The following SUFU variants were observed in gnomAD, a reference collection of about 807,000 sequenced individuals.
The protein encoded by SUFU is suppressor of fused homolog.
SUFU carries 7 observed loss-of-function variants against 58.9 expected under a neutral mutation model. That is an observed-to-expected ratio of 0.12 (90% CI 0.07 to 0.22). SUFU has a LOEUF of 0.22. Among genes scored for constraint, SUFU ranks in the 10% least tolerant of loss-of-function variants. The probability of loss-of-function intolerance (pLI) is 1.00; values close to 1 mark genes in which losing one functional copy is unlikely to be tolerated. For missense variants in SUFU, 451 were observed against 641.3 expected (o/e 0.70, Z 3.20); for synonymous variants, 232 against 254.8 (o/e 0.91, Z 0.85).
In SUFU at chr10:102,630,999, G is replaced by C. The variant is rs1032441274; in HGVS notation, c.*844G>C. The C allele has an allele frequency of 4.3e-6, 1 of 233,368 alleles. No homozygotes were observed. Among genetic ancestry groups the C allele is most frequent in the Non-Finnish European group, 8.5e-6 (1 of 118,314 alleles). The allele number at this position is 233,368 out of a possible 1,614,324, so 14.5% of individuals were successfully genotyped here. A position where few individuals can be genotyped will look rare whatever the true frequency, so the allele number is the denominator to read the frequency against. ...GGTGCTACTGTTTTCCAAGTGAATG[G>C]GTCTCAAAGACTTGGTGACCCCAGC... On this transcript the variant is annotated 3_prime_UTR_variant, in exon 12 of 12. Coordinates refer to ENST00000369902, the MANE Select transcript of SUFU (RefSeq NM_016169.4).
In SUFU at chr10:102,519,001, C is replaced by T. The variant is rs186913580; in HGVS notation, c.317+9698C>T. Among the ~76,000 whole-genome samples the T allele has an allele frequency of 3.8e-3, 581 of 151,676 alleles. 2 individuals carry two copies. The highest frequency in any genetic ancestry group is 6.4e-3 in the Non-Finnish European group (432 of 67,886). On this transcript the variant is annotated intron_variant, in intron 2 of 11. Coordinates refer to ENST00000369902, the MANE Select transcript of SUFU (RefSeq NM_016169.4). ...AAAAAAATAGAAAAAATTAGCCAGGCGTGGTGGCAGGCGCCTGTAGTCCCA... is the reference window on the plus strand; with the variant it reads ...AAAAAAATAGAAAAAATTAGCCAGGTGTGGTGGCAGGCGCCTGTAGTCCCA...
At chr10:102,522,980 A>T (rs4919655) in intron 2 of SUFU, among the ~76,000 whole-genome samples, 151,967 of 152,230 alleles carry the variant, frequency 1, 75,853 homozygotes, top group East Asian at 1. Flanking sequence ...TCTCCTCTTC[A>T]GCAGTCCATG....
intron 3 of SUFU, among the ~76,000 whole-genome samples, chr10:102,566,666 G>C (rs567245019): frequency 3.6e-4 from 55 of 151,834 alleles, no homozygotes; most frequent in Middle Eastern, 3.4e-3. Flanking sequence ...TTGGGAGGCT[G>C]AGGCAGGAGA....
At chr10:102,544,067 C>T (rs757300704) in intron 2 of SUFU, among the ~76,000 whole-genome samples, 3 of 152,098 alleles carry the variant, frequency 2.0e-5, no homozygotes, top group Non-Finnish European at 4.4e-5. Context: ...CAGCTATACT[C>T]CAGCCTGGGC....
intron 2 of SUFU, among the ~76,000 whole-genome samples, chr10:102,546,994 A>G (rs190339804): frequency 2.6e-5 from 4 of 152,342 alleles, no homozygotes; most frequent in Admixed American, 6.5e-5. Context: ...TGCTGTGTGG[A>G]TGCATCTGAT....
intron 3 of SUFU, among the ~76,000 whole-genome samples, chr10:102,562,480 G>A (rs1015358053): frequency 5.3e-5 from 8 of 152,008 alleles, no homozygotes; most frequent in Non-Finnish European, 8.8e-5. Flanking sequence ...CCGAGATCGC[G>A]CCGCTACAGT....
chr10:102,593,596 G>A (rs1304968816), intron 4 of SUFU, 40 bp from the exon 5 acceptor site: 2 of 1,601,776 alleles, frequency 1.2e-6, no homozygotes, highest in Admixed American at 3.3e-5. Context: ...GGTGGGGGGT[G>A]GCCATTAACA....
At chr10:102,600,018 T>C (rs948012902) in intron 8 of SUFU, among the ~76,000 whole-genome samples, 10 of 152,114 alleles carry the variant, frequency 6.6e-5, no homozygotes, top group African/African-American at 9.7e-5. Flanking sequence ...CCTGCCTCTC[T>C]TCCCTGGGGC....
At chr10:102,601,538 CT>C (rs1305799602) in intron 8 of SUFU, among the ~76,000 whole-genome samples, 13 of 152,204 alleles carry the variant, frequency 8.5e-5, no homozygotes, top group Admixed American at 6.5e-4. Flanking sequence ...GACCTGTAGT[CT>C]GAGGGGAATA....
In SUFU at chr10:102,558,259, A is replaced by T. The variant is rs576682352; in HGVS notation, c.454+8153A>T. Among the ~76,000 whole-genome samples the T allele has an allele frequency of 5.3e-5, 8 of 152,204 alleles. No individual in the cohort carries two copies. The East Asian group carries it at 1.5e-3, about 29-fold the overall frequency. ...TGCTTTGTCACCCAGACTAGAGGCT[A>T]GAGTACCATAGCACCTTTTTAGTTC... is the stretch of plus-strand genomic sequence containing the variant. On this transcript the variant is annotated intron_variant, in intron 3 of 11. Coordinates refer to ENST00000369902, the MANE Select transcript of SUFU (RefSeq NM_016169.4).
chr10:102,583,451 C>G (rs920454425), intron 3 of SUFU, among the ~76,000 whole-genome samples: 2 of 152,188 alleles, frequency 1.3e-5, no homozygotes, highest in Admixed American at 6.5e-5. Flanking sequence ...CACCTGGGCC[C>G]GACTCCCTTT....
intron 3 of SUFU, among the ~76,000 whole-genome samples, chr10:102,564,473 CAGG>C (rs1461279296): frequency 2.0e-5 from 3 of 152,144 alleles, no homozygotes; most frequent in Non-Finnish European, 4.4e-5. Flanking sequence ...GCTGGGATTA[CAGG>C]CGTGCACCAC....
chr10:102,572,550 C>T (rs964451472), intron 3 of SUFU, among the ~76,000 whole-genome samples: 5 of 151,772 alleles, frequency 3.3e-5, no homozygotes, highest in East Asian at 1.9e-4. Flanking sequence ...CCACCACACC[C>T]GGCTACTTTT....
At chr10:102,585,798 G>A (rs1185653124) in intron 3 of SUFU, among the ~76,000 whole-genome samples, 1 of 151,598 alleles carries the variant, frequency 6.6e-6, no homozygotes, top group African/African-American at 2.4e-5. Context: ...GGAGGCCACT[G>A]CACTGGCCTC....
At chr10:102,587,865 T>C (rs117813719) in intron 3 of SUFU, among the ~76,000 whole-genome samples, 1 of 152,234 alleles carries the variant, frequency 6.6e-6, no homozygotes, top group African/African-American at 2.4e-5. Context: ...TGATATTGTA[T>C]GGAAGAAACC....
At chr10:102,590,803 G>T (rs2135860950) in intron 3 of SUFU, 1 of 152,226 alleles carries the variant, frequency 6.6e-6, no homozygotes, top group Non-Finnish European at 1.5e-5. Context: ...ATTGTTTCTT[G>T]CTTGCAGAAC....
At chr10:102,571,518 A>AAAAC (rs2063160489) in intron 3 of SUFU, among the ~76,000 whole-genome samples, 1 of 147,118 alleles carries the variant, frequency 6.8e-6, no homozygotes, top group Admixed American at 6.8e-5. Context: ...ACAAACAAAC[A>AAAAC]AAACAAACAA....
At chr10:102,567,930 C>T (rs914878692) in intron 3 of SUFU, among the ~76,000 whole-genome samples, 16 of 152,106 alleles carry the variant, frequency 1.1e-4, no homozygotes, top group Non-Finnish European at 1.9e-4. Context: ...ACACTATCAA[C>T]CTCCTGGGCC....
intron 8 of SUFU, among the ~76,000 whole-genome samples, chr10:102,612,273 C>T (rs1024363413): frequency 6.6e-6 from 1 of 151,922 alleles, no homozygotes; most frequent in Non-Finnish European, 1.5e-5. Flanking sequence ...GCCGGAAATA[C>T]CCAAGCTCCA....
Sources: allele counts gnomAD v4.1 joint callset (sites outside exome capture counted in the v4.1 genomes callset), GRCh38; gene constraint gnomAD v4.1.1; transcripts MANE v1.5; gene names NCBI Gene and HGNC (gene_info 2026-07-23, HGNC 2026-07-21).